ALDH6A1: variants seen among roughly 807,000 people sequenced by gnomAD.
ALDH6A1 encodes methylmalonate-semialdehyde/malonate-semialdehyde dehydrogenase [acylating], mitochondrial.
In ALDH6A1, 43 loss-of-function variants were observed where a neutral mutation model predicts 62.6. That is an observed-to-expected ratio of 0.69 (90% CI 0.54 to 0.89). The LOEUF is 0.89. Among genes scored for constraint, ALDH6A1 ranks in the 40% least tolerant of loss-of-function variants. ALDH6A1 has a pLI of 0.00. For missense variants in ALDH6A1, 551 were observed against 661.3 expected (o/e 0.83, Z 1.83); for synonymous variants, 194 against 234.2 (o/e 0.83, Z 1.57).
rs1448496267 is a variant in ALDH6A1 at position 74,056,912 on chromosome 14, C to T, written c.*3730G>A. 1.9e-6 allele frequency: 3 copies of T among 1,612,114 alleles called. No homozygotes were observed. In the African/African-American group the frequency reaches 4.0e-5, roughly 22 times the overall value. ...TGACTTTTACCCACTACAGGAAATA[C>T]AACCAGAGTTCTAGGCCTCCAGTTC... is the stretch of plus-strand genomic sequence containing the variant. On this transcript the variant is annotated 3_prime_UTR_variant, in exon 12 of 12. Coordinates refer to ENST00000553458, the MANE Select transcript of ALDH6A1 (RefSeq NM_005589.4).
chr14:74,068,623 T>A (rs1331552198), intron 7 of ALDH6A1, among the ~76,000 whole-genome samples: 1 of 150,358 alleles, frequency 6.7e-6, no homozygotes, highest in African/African-American at 2.4e-5. Flanking sequence ...TGTGCTTGTA[T>A]TCCCAGCTAC....
intron 1 of ALDH6A1, among the ~76,000 whole-genome samples, chr14:74,083,433 T>C (rs961287991): frequency 2.6e-5 from 4 of 152,184 alleles, no homozygotes; most frequent in African/African-American, 9.7e-5. Flanking sequence ...CTCCTGTAGC[T>C]TTACCATTTC....
intron 6 of ALDH6A1, chr14:74,069,228 C>T: frequency 2.5e-6 from 1 of 398,060 alleles, no homozygotes; most frequent in Non-Finnish European, 4.7e-6. Context: ...CTCAGCCTCC[C>T]AAGCAGCTGG....
intron 7 of ALDH6A1, among the ~76,000 whole-genome samples, chr14:74,067,997 T>TAAAAAA (rs35503985): frequency 7.5e-6 from 1 of 132,978 alleles, no homozygotes; most frequent in Non-Finnish European, 1.6e-5. Context: ...AGAGCAATGT[T>TAAAAAA]AAAAAAAAAA....
rs755681349 is a variant in ALDH6A1, at chr14:74,071,990, A to G, written c.349-16T>C. 7 of 1,611,312 alleles carry G rather than the reference A, an allele frequency of 4.3e-6. No homozygotes were observed. The Admixed American group carries it at 5.0e-5, about 12-fold the overall frequency. The stretch of plus-strand genomic sequence containing the variant: ...CAATTTCTTTCTAGAGAGAAGACAC[A>G]CAAATAGAAATTAATGCAAGAATGT... On this transcript the variant is annotated splice_polypyrimidine_tract_variant and intron_variant, in intron 4 of 11. Transcript: ENST00000553458.
intron 11 of ALDH6A1, among the ~76,000 whole-genome samples, chr14:74,062,354 C>G (rs2060365180): frequency 6.6e-6 from 1 of 152,092 alleles, no homozygotes; most frequent in East Asian, 1.9e-4. Flanking sequence ...GTAATCCCAG[C>G]ACTTTGGGAG....
chr14:74,064,986 G>A (rs776466459), intron 10 of ALDH6A1, 66 bp from the exon 11 acceptor site: 2 of 1,484,880 alleles, frequency 1.3e-6, no homozygotes, highest in African/African-American at 1.4e-5. Context: ...AAACACAAAG[G>A]CATCAGAGAC....
intron 1 of ALDH6A1, among the ~76,000 whole-genome samples, chr14:74,083,786 T>G (rs1232237016): frequency 2.0e-5 from 3 of 152,150 alleles, no homozygotes; most frequent in Non-Finnish European, 2.9e-5. Flanking sequence ...GCTTAGCAAA[T>G]GGCTGCCTTT....
chr14:74,079,481 T>C (rs2060650064), intron 1 of ALDH6A1, among the ~76,000 whole-genome samples: 1 of 151,144 alleles, frequency 6.6e-6, no homozygotes, highest in African/African-American at 2.4e-5. Context: ...TCGCCCAGGC[T>C]GGAGTGCAGT....
intron 8 of ALDH6A1, 79 bp from the exon 9 acceptor site, chr14:74,066,965 C>A: frequency 7.0e-7 from 1 of 1,434,444 alleles, no homozygotes; most frequent in African/African-American, 1.4e-5. Context: ...CCTGTAATCC[C>A]AAAGCTTTAG....
Position 74,071,971 on chromosome 14 carries a change from C to A in ALDH6A1, c.352G>T (p.Glu118Ter). The A allele has an allele frequency of 6.2e-7, 1 of 1,613,904 alleles. No individual in the cohort carries two copies. The highest frequency in any genetic ancestry group is 8.5e-7 in the Non-Finnish European group (1 of 1,179,756). ...YQQLIKENLK[E>*]IAKLITLEQG... is the part of the protein sequence containing the mutation. ...TCCAATGTGATTAACTTGGCAATTTCTTTCTAGAGAGAAGACACACAAATA... is the reference window on the plus strand; with the variant it reads ...TCCAATGTGATTAACTTGGCAATTTATTTCTAGAGAGAAGACACACAAATA... The change falls in exon 5 of 12, where the codon GAA becomes TAA. Residue 118 changes from glutamate (E) to a stop codon, truncating the protein, a stop_gained. Coordinates refer to ENST00000553458, the MANE Select transcript of ALDH6A1 (RefSeq NM_005589.4). LOFTEE classifies it high-confidence loss of function.
rs191445518 is a variant in ALDH6A1 at position 74,062,536 on chromosome 14, G to A, written c.1504-1790C>T. Among the ~76,000 whole-genome samples, 195 of 152,186 alleles carry A rather than the reference G, an allele frequency of 1.3e-3. 1 individual carries two copies. Among genetic ancestry groups the A allele is most frequent in the African/African-American group, 4.5e-3 (188 of 41,516 alleles). ...GAATTGCTTGAACCCTGGAGGCTGA[G>A]GTTGCAGTGAGCCAAGATCATGCCA... is the stretch of plus-strand genomic sequence containing the variant. On this transcript the variant is annotated intron_variant, in intron 11 of 11. Coordinates refer to ENST00000553458, the MANE Select transcript of ALDH6A1 (RefSeq NM_005589.4).
intron 7 of ALDH6A1, among the ~76,000 whole-genome samples, chr14:74,067,987 A>G (rs1231366702): frequency 7.5e-6 from 1 of 133,526 alleles, no homozygotes; most frequent in Non-Finnish European, 1.6e-5. Flanking sequence ...AGTTATATGA[A>G]GAGCAATGTT....
intron 4 of ALDH6A1, 75 bp from the exon 5 acceptor site, chr14:74,072,049 A>G (rs1017870047): frequency 3.2e-6 from 5 of 1,575,008 alleles, no homozygotes; most frequent in Admixed American, 3.3e-5. Context: ...CAAAGGAAGA[A>G]TAAGACTGGA....
rs771440193 is a variant in ALDH6A1 at position 74,072,316 on chromosome 14, T to C, written c.235A>G (p.Met79Val). The C allele has an allele frequency of 2.5e-5, 40 of 1,614,208 alleles. No homozygotes were observed. Among genetic ancestry groups the C allele is most frequent in the East Asian group, 8.9e-5 (4 of 44,872 alleles). Residue 79 changes from methionine to valine, a missense_variant, in exon 4 of 12, where the codon ATG becomes GTG. Coordinates refer to ENST00000553458, the MANE Select transcript of ALDH6A1 (RefSeq NM_005589.4). ...GRVPQATKAE[M>V]DAAIASCKRA... ...TTGCAGGAAGCAATGGCTGCATCCA[T>C]TTCTGCCTTGGTGGCCTGAGGGACC...
At chr14:74,063,263 T>C (rs887910076) in intron 11 of ALDH6A1, among the ~76,000 whole-genome samples, 2 of 151,892 alleles carry the variant, frequency 1.3e-5, no homozygotes, top group African/African-American at 4.8e-5. Context: ...CTCGGCTCAC[T>C]GCAACTTCCG....
At position 74,067,429 on chromosome 14, in the gene ALDH6A1, C is replaced by G; in HGVS notation, c.993G>C (p.Lys331Asn). 1 of 1,614,102 alleles carries G rather than the reference C, an allele frequency of 6.2e-7. No individual in the cohort carries two copies. Among genetic ancestry groups the G allele is most frequent in the Non-Finnish European group, 8.5e-7 (1 of 1,180,052 alleles). The change falls in exon 8 of 12, where the codon AAG (lysine) becomes AAC (asparagine). Residue 331 changes from lysine (K) to asparagine (N), a missense_variant. Transcript: ENST00000553458. ...STAVLVGEAKKWLPELVEHAK... is the reference protein window; with the variant it reads ...STAVLVGEAKNWLPELVEHAK... ...CATGCTCCACCAGCTCTGGCAGCCA[C>G]TTCTTGGCTTCTCCCACAAGGACTG...
intron 5 of ALDH6A1, 86 bp from the exon 6 acceptor site, chr14:74,071,583 G>A: frequency 6.2e-7 from 1 of 1,608,044 alleles, no homozygotes; most frequent in Non-Finnish European, 8.5e-7. Context: ...AGGACAGGAA[G>A]TGGTTCAGGC....
chr14:74,078,296 C>T (rs780137114), intron 1 of ALDH6A1: 1 of 455,282 alleles, frequency 2.2e-6, no homozygotes, highest in Non-Finnish European at 4.4e-6. Flanking sequence ...AAGCTCCATG[C>T]AGGAAAAGTG....
Sources: gnomAD v4.1 joint callset for allele counts (sites outside exome capture counted in the v4.1 genomes callset) on GRCh38, gnomAD v4.1.1 for gene constraint, MANE v1.5 for transcripts, NCBI Gene and HGNC (gene_info 2026-07-23, HGNC 2026-07-21) for gene names.